RPS6KB1: variants seen among roughly 807,000 people sequenced by gnomAD.
The protein encoded by RPS6KB1 is ribosomal protein S6 kinase beta-1.
Under a neutral mutation model 70.2 loss-of-function variants are expected in RPS6KB1, and 12 were observed. That is an observed-to-expected ratio of 0.17 (90% CI 0.11 to 0.28). The LOEUF (loss-of-function observed/expected upper bound fraction) is 0.28. Among genes scored for constraint, RPS6KB1 ranks in the 10% least tolerant of loss-of-function variants. The pLI is 1.00. For synonymous variants in RPS6KB1, 175 were observed against 211.2 expected (o/e 0.83, Z 1.49); for missense variants, 270 against 646.6 (o/e 0.42, Z 6.32).
intron 4 of RPS6KB1, among the ~76,000 whole-genome samples, chr17:59,915,709 A>G (rs2042907204): frequency 6.8e-6 from 1 of 147,562 alleles, no homozygotes; most frequent in Admixed American, 6.8e-5. Context: ...CAGGTGATCC[A>G]TCTGCCTCGG....
chr17:59,948,869 G>T lies in RPS6KB1; in HGVS notation c.*2081G>T, dbSNP rs550701677. 6.5e-6 allele frequency: 1 copy of T among 152,718 alleles called. No homozygotes were observed. Among genetic ancestry groups the T allele is most frequent in the African/African-American group, 2.4e-5 (1 of 41,560 alleles). The allele number at this position is 152,718 out of a possible 1,614,324, so 9.5% of individuals were successfully genotyped here. A position where few individuals can be genotyped will look rare whatever the true frequency, so the allele number is the denominator to read the frequency against. Reference sequence around the variant, plus strand: ...GGTGATATGTACAGGCATTATTTCAGACTGTAAATGGCTTGTGATACTCTT... The same window carrying T: ...GGTGATATGTACAGGCATTATTTCATACTGTAAATGGCTTGTGATACTCTT... On this transcript the variant is annotated 3_prime_UTR_variant, in exon 15 of 15. Transcript: ENST00000225577.
chr17:59,896,945 GAGA>G (rs893581792), intron 1 of RPS6KB1, among the ~76,000 whole-genome samples: 2 of 151,846 alleles, frequency 1.3e-5, no homozygotes, highest in African/African-American at 4.8e-5. Context: ...TGGAAAATGA[GAGA>G]AGTTTAGATT....
In RPS6KB1 at chr17:59,934,058, T is replaced by G; in HGVS notation, c.689-112T>G. 4.0e-6 allele frequency: 3 copies of G among 747,226 alleles called. No homozygotes were observed. The highest frequency in any genetic ancestry group is 4.7e-6 in the Non-Finnish European group (2 of 429,690). The allele number at this position is 747,226 out of a possible 1,614,324, so 46.3% of individuals were successfully genotyped here. ...TTGTTCTTGACATCTGCAAGAAAAT[T>G]TGAGGCAAGAAAAGTTAAATGGAAG... On this transcript the variant is annotated intron_variant, in intron 7 of 14. Transcript: ENST00000225577. This position sits in a 1 kb window ranked among gnomAD's most constrained non-coding sequence, Gnocchi z 4.8.
At chr17:59,925,221 C>G (rs2043534694) in intron 4 of RPS6KB1, among the ~76,000 whole-genome samples, 1 of 152,158 alleles carries the variant, frequency 6.6e-6, no homozygotes, top group African/African-American at 2.4e-5. Flanking sequence ...TAGGCTGTTT[C>G]TAGTGTTCCA....
intron 2 of RPS6KB1, 62 bp downstream of exon 2, chr17:59,910,673 C>A: frequency 2.9e-6 from 3 of 1,032,064 alleles, no homozygotes; most frequent in South Asian, 1.4e-5. Flanking sequence ...TTTATCAGTT[C>A]TATTTCGTAG....
At chr17:59,922,872 G>T (rs2645463) in intron 4 of RPS6KB1, among the ~76,000 whole-genome samples, 53,137 of 118,096 alleles carry the variant, frequency 0.45, 11,216 homozygotes, top group African/African-American at 0.61. Flanking sequence ...AAATTTGTTT[G>T]TTTTTTTTTT....
intron 1 of RPS6KB1, among the ~76,000 whole-genome samples, chr17:59,898,907 G>A (rs1434446651): frequency 6.6e-6 from 1 of 151,392 alleles, no homozygotes; most frequent in East Asian, 2.0e-4. Flanking sequence ...AAAATTAGGA[G>A]TAAAGAGTTT....
intron 4 of RPS6KB1, among the ~76,000 whole-genome samples, chr17:59,914,916 C>T (rs1196461911): frequency 1.3e-5 from 2 of 152,022 alleles, no homozygotes; most frequent in African/African-American, 4.8e-5. Context: ...ATTGCTTGAA[C>T]TTAGGAGTTC....
At chr17:59,908,910 G>A (rs1286720561) in intron 1 of RPS6KB1, among the ~76,000 whole-genome samples, 2 of 131,652 alleles carry the variant, frequency 1.5e-5, no homozygotes, top group South Asian at 2.4e-4. Flanking sequence ...GAGCCACCGC[G>A]CCCGGCCAAA....
intron 1 of RPS6KB1, among the ~76,000 whole-genome samples, chr17:59,901,639 A>G (rs866732251): frequency 4.0e-5 from 6 of 149,594 alleles, no homozygotes; most frequent in Non-Finnish European, 8.9e-5. Flanking sequence ...AAAAAAAAAA[A>G]AAAAAAAGAA....
At chr17:59,933,202 C>T (rs867978601) in intron 7 of RPS6KB1, among the ~76,000 whole-genome samples, 42 of 141,704 alleles carry the variant, frequency 3.0e-4, no homozygotes, top group African/African-American at 9.2e-4. Flanking sequence ...CTCCACCCAC[C>T]TTTTTTTTTT....
chr17:59,936,995 G>A (rs760082021), intron 12 of RPS6KB1, among the ~76,000 whole-genome samples: 12 of 152,036 alleles, frequency 7.9e-5, no homozygotes, highest in Non-Finnish European at 1.3e-4. Context: ...AAATAGCTAC[G>A]ACTACAGACA....
intron 7 of RPS6KB1, 36 bp downstream of exon 7, chr17:59,931,758 A>G (rs1396218572): frequency 1.4e-6 from 2 of 1,445,534 alleles, no homozygotes; most frequent in Admixed American, 3.6e-5. Context: ...ATAGTAAATA[A>G]TCATCTTAAA....
intron 7 of RPS6KB1, among the ~76,000 whole-genome samples, chr17:59,932,247 CA>C (rs761712349): frequency 0.15 from 18,713 of 127,344 alleles, 1,353 homozygotes; most frequent in Middle Eastern, 0.24. Flanking sequence ...TACAAAAATA[CA>C]AAAAAAAAAA....
intron 2 of RPS6KB1, among the ~76,000 whole-genome samples, chr17:59,911,488 G>A (rs2042630029): frequency 1.3e-5 from 2 of 149,536 alleles, no homozygotes; most frequent in African/African-American, 2.5e-5. Context: ...AGCCTCCCAA[G>A]TAGCTGGGAC....
In RPS6KB1 at chr17:59,948,916, T is replaced by G. The variant is rs1023482184; in HGVS notation, c.*2128T>G. On this transcript the variant is annotated 3_prime_UTR_variant, in exon 15 of 15. Transcript: ENST00000225577. ...TCTTGATACTTGTTTTCAAATATGT[T>G]TACTAACTGTAGTGTTGACTGCCTG... The G allele has an allele frequency of 6.6e-6, 1 of 152,610 alleles. No homozygotes were observed. The highest frequency in any genetic ancestry group is 2.4e-5 in the African/African-American group (1 of 41,458). 9.5% of individuals were successfully genotyped at this position (152,610 alleles called of 1,614,324 possible). A position where few individuals can be genotyped will look rare whatever the true frequency, so the allele number is the denominator to read the frequency against.
intron 4 of RPS6KB1, among the ~76,000 whole-genome samples, chr17:59,923,595 C>T (rs1568454426): frequency 1.3e-5 from 2 of 151,964 alleles, no homozygotes; most frequent in African/African-American, 4.8e-5. Context: ...ACTGCAGCCT[C>T]CACCTCCTGC....
chr17:59,922,221 A>T (rs1212084268), intron 4 of RPS6KB1, among the ~76,000 whole-genome samples: 1 of 151,958 alleles, frequency 6.6e-6, no homozygotes, highest in Non-Finnish European at 1.5e-5. Context: ...TTGTAATTGT[A>T]GTAGAGACGA....
chr17:59,946,446 T>C lies in RPS6KB1; in HGVS notation c.1341-105T>C. 2.2e-6 allele frequency: 2 copies of C among 899,396 alleles called. No homozygotes were observed. Among genetic ancestry groups the C allele is most frequent in the Non-Finnish European group, 3.5e-6 (2 of 566,952 alleles). 55.7% of individuals were successfully genotyped at this position (899,396 alleles called of 1,614,324 possible). A position where few individuals can be genotyped will look rare whatever the true frequency, so the allele number is the denominator to read the frequency against. ...TAATCCACGTGAAAATAAAATTAAA[T>C]GAAAATAAATGTCATGTTACCCCAC... On this transcript the variant is annotated intron_variant, in intron 14 of 14. Transcript: ENST00000225577. The surrounding 1 kb of genome is among the most constrained non-coding windows in gnomAD (Gnocchi z 4.2).
Sources: allele counts gnomAD v4.1 joint callset (sites outside exome capture counted in the v4.1 genomes callset), GRCh38; gene constraint gnomAD v4.1.1; non-coding constraint Gnocchi (gnomAD v3.1); transcripts MANE v1.5; gene names NCBI Gene and HGNC (gene_info 2026-07-23, HGNC 2026-07-21).